SIRPB2: variants seen among roughly 807,000 people sequenced by gnomAD.
SIRPB2 encodes signal regulatory protein beta 2.
SIRPB2 carries 18 observed loss-of-function variants against 27.1 expected under a neutral mutation model. The observed-to-expected ratio is 0.66, with a 90% CI of 0.46 to 0.98. The LOEUF is 0.98. Among genes scored for constraint, SIRPB2 ranks in the 50% least tolerant of loss-of-function variants. SIRPB2 has a pLI of 0.00. For synonymous variants in SIRPB2, 150 were observed against 164.6 expected, an observed-to-expected ratio of 0.91 and a Z score of 0.68; for missense variants, 420 against 417.4, an observed-to-expected ratio of 1.01 and a Z score of -0.06.
At chr20:1,476,465 T>C (rs1032251939) in intron 4 of SIRPB2, 129 bp from the exon 5 acceptor site, 38 of 1,029,890 alleles carry the variant, frequency 3.7e-5, no homozygotes, top group Non-Finnish European at 5.1e-5. Flanking sequence ...CCTTTCTACA[T>C]TGAAAGAGGA....
intron 3 of SIRPB2, 93 bp from the exon 4 acceptor site, chr20:1,477,496 G>T: frequency 1.3e-6 from 2 of 1,529,182 alleles, no homozygotes; most frequent in Non-Finnish European, 1.8e-6. Context: ...GGATGAGTCT[G>T]CCAGTTTCTA....
chr20:1,479,885 C>G lies in SIRPB2; in HGVS notation c.266G>C (p.Arg89Pro). 6.2e-7 allele frequency: 1 copy of G among 1,614,112 alleles called. No homozygotes were observed. The highest frequency in any genetic ancestry group is 8.5e-7 in the Non-Finnish European group (1 of 1,180,056). Residue 89 changes from arginine to proline, a missense_variant, in exon 2 of 5, where the codon CGT (arginine) becomes CCT (proline). Arg to Pro is a moderately radical substitution (Grantham distance 103). Coordinates refer to ENST00000359801, the MANE Select transcript of SIRPB2 (RefSeq NM_001122962.2). The part of the protein sequence containing the change: ...QDQQEIYNFK[R>P]GSFPGVMPMI... ...GGGCATTACCCCAGGGAAGGAGCCA[C>G]GTTTAAAGTTATAAATTTCCTGTTG...
At chr20:1,473,427 GATGCACACATGC>G (rs2090588398), downstream of SIRPB2, among the ~76,000 whole-genome samples, 1 of 151,632 alleles carries the variant, frequency 6.6e-6, no homozygotes, top group African/African-American at 2.4e-5. Flanking sequence ...CAGGCACACA[GATGCACACATGC>G]ATGCACACAC....
intron 1 of SIRPB2, 77 bp downstream of exon 1, chr20:1,491,198 C>T: frequency 7.6e-7 from 1 of 1,323,036 alleles, no homozygotes; most frequent in South Asian, 1.3e-5. Context: ...CTTCTTCAGG[C>T]ATGGCAGAGC....
rs778214573 is a variant in SIRPB2 at position 1,477,419 on chromosome 20, G to A, written c.794-16C>T. ...GTAGATTTTGCTGCAAGGGAGAGAG[G>A]CTTTGTCATACTTCCCTTTATCTTT... On this transcript the variant is annotated splice_polypyrimidine_tract_variant and intron_variant, in intron 3 of 4. Transcript: ENST00000359801. 18 of 1,604,626 alleles carry A rather than the reference G, an allele frequency of 1.1e-5. No individual in the cohort carries two copies. In the African/African-American group the frequency reaches 1.9e-4, roughly 17 times the overall value.
intron 1 of SIRPB2, among the ~76,000 whole-genome samples, chr20:1,486,971 G>A (rs761854731): frequency 1.3e-5 from 2 of 152,040 alleles, no homozygotes; most frequent in Admixed American, 6.6e-5. Flanking sequence ...TGTAGGATAG[G>A]TACTAACTGT....
intron 1 of SIRPB2, among the ~76,000 whole-genome samples, chr20:1,490,909 G>A (rs2090770927): frequency 6.6e-6 from 1 of 152,186 alleles, no homozygotes; most frequent in Non-Finnish European, 1.5e-5. Flanking sequence ...AGCCGGCCCA[G>A]GGCTGAGCCT....
At chr20:1,488,248 G>C (rs1216070231) in intron 1 of SIRPB2, among the ~76,000 whole-genome samples, 3 of 152,044 alleles carry the variant, frequency 2.0e-5, no homozygotes, top group Admixed American at 1.3e-4. Flanking sequence ...TCAATAATAA[G>C]AAACACACTT....
At chr20:1,483,201 G>A (rs1242487409) in intron 1 of SIRPB2, among the ~76,000 whole-genome samples, 2 of 151,776 alleles carry the variant, frequency 1.3e-5, no homozygotes, top group Non-Finnish European at 2.9e-5. Flanking sequence ...CCGCCTCCTG[G>A]GGTCAAGTGA....
At chr20:1,483,388 C>T (rs190195876) in intron 1 of SIRPB2, among the ~76,000 whole-genome samples, 115 of 152,064 alleles carry the variant, frequency 7.6e-4, no homozygotes, top group Admixed American at 1.8e-3. Context: ...ATTACAGGCA[C>T]GAGCCACAGC....
At position 1,485,650 on chromosome 20, in the gene SIRPB2, A is replaced by AG. The variant is rs1450798940; in HGVS notation, c.86-5586_86-5585insC. 4.2e-3 allele frequency among the ~76,000 whole-genome samples: 587 copies of AG among 140,302 alleles called. 3 individuals carry two copies. Among genetic ancestry groups the AG allele is most frequent in the African/African-American group, 0.015 (528 of 34,774 alleles). The allele number at this position is 140,302 out of a possible 152,430, so 92.0% of individuals were successfully genotyped here. ...CAGTAGAACACACACACACACACACACACCACACACACACACACACACAGA... is the reference window on the plus strand; with the variant it reads ...CAGTAGAACACACACACACACACACAGCACCACACACACACACACACACAGA... On this transcript the variant is annotated intron_variant, in intron 1 of 4. Transcript: ENST00000359801.
chr20:1,487,470 G>A (rs1014669307), intron 1 of SIRPB2, among the ~76,000 whole-genome samples: 1 of 152,152 alleles, frequency 6.6e-6, no homozygotes, highest in African/African-American at 2.4e-5. Flanking sequence ...TTATAGAATA[G>A]CCAAAACCAT....
intron 2 of SIRPB2, 144 bp downstream of exon 2, chr20:1,479,556 T>C: frequency 1.5e-6 from 2 of 1,305,538 alleles, no homozygotes; most frequent in South Asian, 2.8e-5. Context: ...CCCAGCCACA[T>C]GTAAATGTGC....
intron 4 of SIRPB2, chr20:1,477,012 C>A (rs2090611982): frequency 2.3e-6 from 3 of 1,280,740 alleles, no homozygotes; most frequent in Non-Finnish European, 3.0e-6. Flanking sequence ...GGAGGCTTAG[C>A]TACAAAGCCA....
At chr20:1,480,164 T>A in intron 1 of SIRPB2, 99 bp from the exon 2 acceptor site, 2 of 1,431,482 alleles carry the variant, frequency 1.4e-6, no homozygotes, top group Non-Finnish European at 1.8e-6. Flanking sequence ...CCAAGAACAA[T>A]GGCCCAGGAT....
intron 1 of SIRPB2, among the ~76,000 whole-genome samples, chr20:1,483,226 G>C (rs111337395): frequency 0.017 from 2,551 of 151,814 alleles, 79 homozygotes; most frequent in African/African-American, 0.058. Context: ...CCTGCCTCAG[G>C]CTCCTGAGTA....
At chr20:1,480,181 G>A in intron 1 of SIRPB2, 116 bp from the exon 2 acceptor site, 1 of 1,356,922 alleles carries the variant, frequency 7.4e-7, no homozygotes, top group South Asian at 1.5e-5. Context: ...GGATAAGACA[G>A]GAGTGTCATT....
At chr20:1,477,271 A>G in intron 4 of SIRPB2, 67 bp downstream of exon 4, 1 of 1,614,078 alleles carries the variant, frequency 6.2e-7, no homozygotes, top group Non-Finnish European at 8.5e-7. Flanking sequence ...CCTTCCCATG[A>G]CCAAGCCATT....
chr20:1,483,899 CTGA>C (rs1458716203), intron 1 of SIRPB2, among the ~76,000 whole-genome samples: 1 of 152,098 alleles, frequency 6.6e-6, no homozygotes, highest in Non-Finnish European at 1.5e-5. Flanking sequence ...TTGTATCTTA[CTGA>C]TCTTCCTTAG....
Sources: gnomAD v4.1 joint callset for allele counts (sites outside exome capture counted in the v4.1 genomes callset) on GRCh38, gnomAD v4.1.1 for gene constraint, MANE v1.5 for transcripts, NCBI Gene and HGNC (gene_info 2026-07-23, HGNC 2026-07-21) for gene names.